ITGA8: variants seen among roughly 807,000 people sequenced by gnomAD.
ITGA8 encodes integrin subunit alpha 8.
ITGA8 carries 91 observed loss-of-function variants against 142.3 expected under a neutral mutation model. That is an observed-to-expected ratio of 0.64 (90% confidence interval 0.54 to 0.76). The LOEUF (loss-of-function observed/expected upper bound fraction) is 0.76, where lower values mean the gene tolerates loss of function less well. ITGA8 is among the 30% of genes least tolerant of loss of function. The pLI is 0.00. For synonymous variants in ITGA8, 505 were observed against 485.2 expected (o/e 1.04, Z -0.54); for missense variants, 1,406 against 1,327.7 (o/e 1.06, Z -0.92).
intron 23 of ITGA8, among the ~76,000 whole-genome samples, 195 bp downstream of exon 23, chr10:15,586,389 A>G (rs1415169332): frequency 6.6e-6 from 1 of 151,906 alleles, no homozygotes; most frequent in Non-Finnish European, 1.5e-5. Flanking sequence ...ATATTCTTGG[A>G]GTTAATTGTT....
chr10:15,586,621 T>C lies in ITGA8; in HGVS notation c.2335A>G (p.Ile779Val), dbSNP rs1832837555. 10 of 1,613,432 alleles carry C rather than the reference T, an allele frequency of 6.2e-6. No individual in the cohort carries two copies. In the East Asian group the frequency reaches 2.2e-4, roughly 36 times the overall value. The change falls in exon 23 of 30, where the codon ATC becomes GTC. Residue 779 changes from isoleucine to valine, a missense_variant. Physicochemically the swap from Ile to Val is conservative, Grantham distance 29 (BLOSUM62 3). Transcript: ENST00000378076. Reference protein sequence around the residue: ...NPDSNFVSLQINITAVAQVEI... With the variant: ...NPDSNFVSLQVNITAVAQVEI... ...ACCTGCGCTACAGCAGTGATGTTGA[T>C]TTGCAGGCTCACAAAATTGCTGTCT...
At chr10:15,613,550 C>CA in intron 15 of ITGA8, 110 bp downstream of exon 15, 1 of 793,868 alleles carries the variant, frequency 1.3e-6, no homozygotes. Context: ...TCGAGAAATG[C>CA]AAAATCTAGG....
At chr10:15,637,057 A>C (rs1397347679) in intron 13 of ITGA8, among the ~76,000 whole-genome samples, 1 of 152,160 alleles carries the variant, frequency 6.6e-6, no homozygotes, top group African/African-American at 2.4e-5. Flanking sequence ...AGGCAGGAGA[A>C]TCCCTTGAAC....
chr10:15,665,535 T>G (rs1834372330), intron 8 of ITGA8, among the ~76,000 whole-genome samples: 1 of 150,046 alleles, frequency 6.7e-6, no homozygotes, highest in Non-Finnish European at 1.5e-5. Flanking sequence ...ATCCCATTTG[T>G]CAATTTTGGC....
chr10:15,541,933 C>T (rs947462540), intron 27 of ITGA8, among the ~76,000 whole-genome samples: 2 of 152,158 alleles, frequency 1.3e-5, no homozygotes, highest in African/African-American at 4.8e-5. Context: ...CATTCGGCCC[C>T]TTGGTCTACA....
chr10:15,601,595 T>G (rs1253451123), intron 20 of ITGA8, among the ~76,000 whole-genome samples: 1 of 152,156 alleles, frequency 6.6e-6, no homozygotes, highest in Non-Finnish European at 1.5e-5. Flanking sequence ...CTTACTACTA[T>G]CATAATGATG....
At chr10:15,529,261 A>G (rs1464858651) in intron 28 of ITGA8, among the ~76,000 whole-genome samples, 2 of 152,164 alleles carry the variant, frequency 1.3e-5, no homozygotes, top group Non-Finnish European at 2.9e-5. Flanking sequence ...AGAGAAGGGG[A>G]GACATTTTGA....
chr10:15,675,698 C>G (rs1834615643), intron 6 of ITGA8, among the ~76,000 whole-genome samples: 1 of 152,194 alleles, frequency 6.6e-6, no homozygotes, highest in South Asian at 2.1e-4. Context: ...AAACTCACTT[C>G]ATAGTTTGTC....
At chr10:15,641,872 G>T (rs895937691) in intron 13 of ITGA8, among the ~76,000 whole-genome samples, 3 of 152,182 alleles carry the variant, frequency 2.0e-5, no homozygotes, top group Non-Finnish European at 2.9e-5. Flanking sequence ...GCTCACACCT[G>T]TAATCCCACC....
At chr10:15,520,580 A>G (rs992068134) in intron 28 of ITGA8, among the ~76,000 whole-genome samples, 6 of 152,166 alleles carry the variant, frequency 3.9e-5, no homozygotes, top group African/African-American at 1.4e-4. Flanking sequence ...AAGCACTTCT[A>G]TTGCTCCTGT....
chr10:15,629,335 T>C (rs1376839451), intron 13 of ITGA8, among the ~76,000 whole-genome samples: 1 of 151,986 alleles, frequency 6.6e-6, no homozygotes, highest in African/African-American at 2.4e-5. Flanking sequence ...TCTGTTAATA[T>C]TTCACCACGG....
At chr10:15,697,012 T>C (rs1317568612) in intron 2 of ITGA8, among the ~76,000 whole-genome samples, 1 of 150,310 alleles carries the variant, frequency 6.7e-6, no homozygotes, top group Non-Finnish European at 1.5e-5. Context: ...ATTCTGTCTC[T>C]AAAGTCTCAG....
intron 2 of ITGA8, among the ~76,000 whole-genome samples, chr10:15,716,042 T>C (rs1835444485): frequency 6.6e-6 from 1 of 152,198 alleles, no homozygotes. Context: ...AACTTTCTTT[T>C]CCCAACAATT....
At chr10:15,649,615 C>CAAAA (rs199606150) in intron 11 of ITGA8, among the ~76,000 whole-genome samples, 2 of 87,996 alleles carry the variant, frequency 2.3e-5, no homozygotes, top group Non-Finnish European at 4.5e-5. Context: ...GACTCCGTCT[C>CAAAA]AAAAAAAAAA....
At chr10:15,671,879 C>CAAAAAAAAA (rs34588118) in intron 7 of ITGA8, among the ~76,000 whole-genome samples, 1 of 79,720 alleles carries the variant, frequency 1.3e-5, no homozygotes, top group African/African-American at 5.1e-5. Flanking sequence ...AGGAGCAAAG[C>CAAAAAAAAA]AAAAAAAAAA....
chr10:15,567,344 C>G (rs1000479106), intron 25 of ITGA8, among the ~76,000 whole-genome samples: 1 of 152,140 alleles, frequency 6.6e-6, no homozygotes, highest in Admixed American at 6.5e-5. Flanking sequence ...AATTATTGTA[C>G]TGGCTTTAGA....
intron 29 of ITGA8, among the ~76,000 whole-genome samples, chr10:15,517,579 T>C (rs1426631524): frequency 1.3e-5 from 2 of 152,186 alleles, no homozygotes; most frequent in African/African-American, 4.8e-5. Flanking sequence ...CTGTCTCAGC[T>C]TCCCAAAGTG....
rs1221188224 is a variant in ITGA8, at chr10:15,516,547, C to T, written c.*611G>A. On this transcript the variant is annotated 3_prime_UTR_variant, in exon 30 of 30. Coordinates refer to ENST00000378076, the MANE Select transcript of ITGA8 (RefSeq NM_003638.3). Reference sequence around the variant, plus strand: ...AATTCTCTAGATGACAGATTCTCAACCTAGAGACATGGAAAATAAATAAAT... The same window carrying T: ...AATTCTCTAGATGACAGATTCTCAATCTAGAGACATGGAAAATAAATAAAT... The T allele has an allele frequency of 6.6e-6, 1 of 152,184 alleles. No individual in the cohort carries two copies. The highest frequency in any genetic ancestry group is 1.9e-4 in the East Asian group (1 of 5,194). 9.4% of individuals were successfully genotyped at this position (152,184 alleles called of 1,614,324 possible).
chr10:15,637,705 G>T (rs989695691), intron 13 of ITGA8, among the ~76,000 whole-genome samples: 3 of 151,882 alleles, frequency 2.0e-5, no homozygotes, highest in African/African-American at 7.3e-5. Flanking sequence ...TAGAGAAAGA[G>T]GTTTGCACAT....
Sources: gnomAD v4.1 joint callset for allele counts (sites outside exome capture counted in the v4.1 genomes callset) on GRCh38, gnomAD v4.1.1 for gene constraint, MANE v1.5 for transcripts, NCBI Gene and HGNC (gene_info 2026-07-23, HGNC 2026-07-21) for gene names.